Variants in MAGI1 observed in about 807,000 individuals in gnomAD.
The protein encoded by MAGI1 is membrane-associated guanylate kinase, WW and PDZ domain-containing protein 1.
In MAGI1, 58 loss-of-function variants were observed where a neutral mutation model predicts 139.9. The ratio of observed to expected loss-of-function variants is 0.41; its 90% confidence interval spans 0.34 to 0.52. The LOEUF (loss-of-function observed/expected upper bound fraction) is 0.52, where lower values mean the gene tolerates loss of function less well. Ranked by LOEUF, MAGI1 falls within the 20% of genes least tolerant of loss-of-function variation. MAGI1 has a pLI of 0.12. For synonymous variants in MAGI1, 812 were observed against 737.9 expected (o/e 1.10, Z -1.63); for missense variants, 1,874 against 1,901.6 (o/e 0.99, Z 0.27).
At chr3:65,401,959 T>G in intron 12 of MAGI1, 1 of 924,670 alleles carries the variant, frequency 1.1e-6, no homozygotes, top group Non-Finnish European at 1.3e-6. Context: ...TTCTTTTTTT[T>G]TCCTCTGCCT....
chr3:65,910,544 A>T (rs2061615008), intron 1 of MAGI1, among the ~76,000 whole-genome samples: 3 of 152,196 alleles, frequency 2.0e-5, no homozygotes, highest in African/African-American at 7.2e-5. Context: ...GCACCATGCC[A>T]AACACTGATA....
chr3:65,383,621 G>C lies in MAGI1; in HGVS notation c.2419C>G (p.Pro807Ala), dbSNP rs377256709. 80 of 1,595,890 alleles carry C rather than the reference G, an allele frequency of 5.0e-5. No homozygotes were observed. The highest frequency in any genetic ancestry group is 3.3e-4 in the Middle Eastern group (2 of 6,042). The change falls in exon 15 of 23, where the codon CCA becomes GCA. Residue 807 changes from proline (P) to alanine (A), a missense_variant and splice_region_variant. By Grantham distance (27) the Pro-to-Ala change is conservative. This residue lies in a region of MAGI1 where 482 missense variants were observed against 509.6 expected (regional missense o/e 0.95). Coordinates refer to ENST00000402939, the MANE Select transcript of MAGI1 (RefSeq NM_001033057.2). ...AAGATGTCCTGTTCCTGGTAATCTG[G>C]AACTGCAGAGAGGGGAGAAAAAAGA... ...QSRSMYENRL[P>A]DYQEQDIFLW...
chr3:65,439,809 A>G lies in MAGI1; in HGVS notation c.1270+70T>C. On this transcript the variant is annotated intron_variant, in intron 9 of 22. Transcript: ENST00000402939. The stretch of plus-strand genomic sequence containing the variant: ...CATCGAGGCCAGTTCTGACCACACG[A>G]GGGTGTCAGCGCTCAGATTTCACCC... 1.9e-6 allele frequency: 3 copies of G among 1,599,286 alleles called. No individual in the cohort carries two copies. The South Asian group carries it at 3.3e-5, about 18-fold the overall frequency.
In MAGI1 at chr3:65,356,535, C is replaced by A; in HGVS notation, c.4232G>T (p.Arg1411Ile). 6.2e-7 allele frequency: 1 copy of A among 1,610,336 alleles called. No homozygotes were observed. The highest frequency in any genetic ancestry group is 8.5e-7 in the Non-Finnish European group (1 of 1,179,884). The part of the protein sequence containing the change: ...RRRARSPERR[R>I]ERSLDKRNRE... ...GTTCCTTTTGTCCAGGGACCGCTCT[C>A]TCCTGCGCTCGGGGGAGCGTGCGCG... The change falls in exon 23 of 23, where the codon AGA (arginine) becomes ATA (isoleucine). Residue 1411 changes from arginine to isoleucine, a missense_variant. Arg to Ile is a moderately conservative substitution (Grantham distance 97). Coordinates refer to ENST00000402939, the MANE Select transcript of MAGI1 (RefSeq NM_001033057.2).
chr3:65,508,196 G>T (rs185156122), intron 2 of MAGI1, among the ~76,000 whole-genome samples: 49 of 152,260 alleles, frequency 3.2e-4, no homozygotes, highest in African/African-American at 1.2e-3. Context: ...AAGGTCAGGA[G>T]ATCAACACCA....
chr3:65,441,353 C>T (rs1195419982), intron 8 of MAGI1, among the ~76,000 whole-genome samples: 1 of 152,006 alleles, frequency 6.6e-6, no homozygotes, highest in Non-Finnish European at 1.5e-5. Context: ...AAAAGCTAGG[C>T]TTTATTTTTT....
At chr3:65,996,955 A>G (rs2066482945) in intron 1 of MAGI1, among the ~76,000 whole-genome samples, 1 of 152,234 alleles carries the variant, frequency 6.6e-6, no homozygotes, top group Admixed American at 6.5e-5. Context: ...ACACCTTGTC[A>G]GGTATTCTAT....
chr3:65,710,067 T>G (rs2031124164), intron 1 of MAGI1, among the ~76,000 whole-genome samples: 1 of 152,174 alleles, frequency 6.6e-6, no homozygotes, highest in South Asian at 2.1e-4. Context: ...TTTTGTAGAC[T>G]ACCTTGTTGT....
intron 22 of MAGI1, chr3:65,359,567 C>T (rs1353197620): frequency 2.1e-6 from 2 of 973,948 alleles, no homozygotes; most frequent in Admixed American, 5.5e-5. Context: ...AAACTCATTA[C>T]AAAAATAGCC....
intron 2 of MAGI1, among the ~76,000 whole-genome samples, chr3:65,616,931 C>A (rs890723952): frequency 1.3e-5 from 2 of 152,138 alleles, no homozygotes; most frequent in African/African-American, 4.8e-5. Context: ...TTTAGGCAAG[C>A]CATCCTGGAA....
intron 2 of MAGI1, among the ~76,000 whole-genome samples, chr3:65,559,190 C>T (rs116579294): frequency 5.1e-4 from 77 of 152,308 alleles, no homozygotes; most frequent in African/African-American, 1.8e-3. Context: ...AGCTGAGCAT[C>T]TAAGGAAAAT....
rs373065059 is a variant in MAGI1, at chr3:65,784,668, G to GT, written c.314-162581_314-162580insA. 2.5e-3 allele frequency among the ~76,000 whole-genome samples: 377 copies of GT among 152,162 alleles called. 4 individuals carry two copies. The highest frequency in any genetic ancestry group is 8.6e-3 in the African/African-American group (358 of 41,512). Reference sequence around the variant, plus strand: ...TGCAGTGAGCCGAGATCGCGCCACTGCACTCCAGCCTGGGCGACAGAGCGA... The same window carrying GT: ...TGCAGTGAGCCGAGATCGCGCCACTGTCACTCCAGCCTGGGCGACAGAGCGA... On this transcript the variant is annotated intron_variant, in intron 1 of 22. Coordinates refer to ENST00000402939, the MANE Select transcript of MAGI1 (RefSeq NM_001033057.2).
intron 17 of MAGI1, among the ~76,000 whole-genome samples, chr3:65,378,677 CCTTTT>C (rs1214048172): frequency 2.1e-5 from 3 of 146,328 alleles, no homozygotes; most frequent in East Asian, 2.3e-4. Flanking sequence ...TCTTTCCTTT[CCTTTT>C]CTTTTTTTTT....
intron 6 of MAGI1, among the ~76,000 whole-genome samples, chr3:65,449,960 A>T (rs187590804): frequency 6.0e-4 from 91 of 152,340 alleles, no homozygotes; most frequent in Middle Eastern, 3.4e-3. Context: ...GGATATGCAA[A>T]GTTTAATGTC....
intron 1 of MAGI1, among the ~76,000 whole-genome samples, chr3:65,995,463 G>T (rs1023204925): frequency 2.6e-5 from 4 of 151,994 alleles, no homozygotes; most frequent in Non-Finnish European, 5.9e-5. Flanking sequence ...TTTTCAAAGA[G>T]TAGAGGTGAT....
chr3:65,439,910 C>CTGCTGT lies in MAGI1; in HGVS notation c.1233_1238dup (p.Gln420_Gln421dup), dbSNP rs374381483. 6.3e-7 allele frequency: 1 copy of CTGCTGT among 1,590,686 alleles called. No individual in the cohort carries two copies. Among genetic ancestry groups the CTGCTGT allele is most frequent in the Non-Finnish European group, 8.6e-7 (1 of 1,164,566 alleles). ...TCTGCTGCTGCTGCTGCTGCTGCTGCTGCTGTTGCTGCTGCTGTTGCTGCT... is the reference window on the plus strand; with the variant it reads ...TCTGCTGCTGCTGCTGCTGCTGCTGCTGCTGTTGCTGTTGCTGCTGCTGTTGCTGCT... On this transcript the variant is annotated inframe_insertion, in exon 9 of 23. Coordinates refer to ENST00000402939, the MANE Select transcript of MAGI1 (RefSeq NM_001033057.2).
chr3:65,386,247 G>A (rs1559513686), intron 14 of MAGI1, among the ~76,000 whole-genome samples: 6 of 145,886 alleles, frequency 4.1e-5, no homozygotes, highest in African/African-American at 5.1e-5. Context: ...AGGCCACATG[G>A]AAAAAAAAAA....
intron 1 of MAGI1, among the ~76,000 whole-genome samples, chr3:66,021,954 G>C (rs749712275): frequency 2.7e-4 from 41 of 152,182 alleles, no homozygotes; most frequent in African/African-American, 4.8e-5. Context: ...CCTGCAATCT[G>C]TTAGCAGCCA....
At chr3:65,967,585 G>A (rs904286799) in intron 1 of MAGI1, among the ~76,000 whole-genome samples, 1 of 152,212 alleles carries the variant, frequency 6.6e-6, no homozygotes, top group Admixed American at 6.5e-5. Flanking sequence ...TCCTCTGCCA[G>A]CTAAGCTAGA....
Sources: gnomAD v4.1 joint callset for allele counts (sites outside exome capture counted in the v4.1 genomes callset) on GRCh38, gnomAD v4.1.1 for gene constraint, gnomAD v4.1.1 regional missense constraint, MANE v1.5 for transcripts, NCBI Gene and HGNC (gene_info 2026-07-23, HGNC 2026-07-21) for gene names.